Variants in ZNF568 observed in about 807,000 individuals in gnomAD.
ZNF568 encodes zinc finger protein 568, also known as p53 inhibitor of SCO2 activation.
Under a neutral mutation model 18.1 loss-of-function variants are expected in ZNF568, and 11 were observed. That is an observed-to-expected ratio of 0.61 (90% CI 0.38 to 1.00). The LOEUF is 1.00. ZNF568 is among the 50% of genes least tolerant of loss of function. The pLI is 0.01. For synonymous variants in ZNF568, 213 were observed against 246.6 expected (o/e 0.86, Z 1.28); for missense variants, 639 against 768.2 (o/e 0.83, Z 1.99).
chr19:36,973,934 C>A (rs148679636), intron 6 of ZNF568, among the ~76,000 whole-genome samples: 1 of 152,184 alleles, frequency 6.6e-6, no homozygotes, highest in Non-Finnish European at 1.5e-5. Context: ...CTGTGAATGG[C>A]CTTCCCTCCA....
At position 36,950,618 on chromosome 19, in the gene ZNF568, C is replaced by T. The variant is rs757767230; in HGVS notation, c.1465C>T (p.Leu489Phe). ...CGKAFIQMSN[L>F]IRHQRIHTGE... ...GAAAGCTTTTATTCAGATGTCAAAC[C>T]TCATTCGACACCAGAGAATTCATAC... Residue 489 changes from leucine to phenylalanine, a missense_variant, in exon 7 of 7, where the codon CTC (leucine) becomes TTC (phenylalanine). Coordinates refer to ENST00000333987, the MANE Select transcript of ZNF568 (RefSeq NM_198539.4). 2.5e-6 allele frequency: 4 copies of T among 1,613,918 alleles called. No individual in the cohort carries two copies. The highest frequency in any genetic ancestry group is 2.5e-6 in the Non-Finnish European group (3 of 1,179,900).
chr19:36,941,866 T>C (rs1477533933), intron 6 of ZNF568, among the ~76,000 whole-genome samples: 1 of 152,180 alleles, frequency 6.6e-6, no homozygotes, highest in Non-Finnish European at 1.5e-5. Context: ...ATTATAGCAG[T>C]GCTGTGCTCT....
At chr19:36,939,532 CTTTTTTTTTTTTT>C (rs386388962) in intron 6 of ZNF568, among the ~76,000 whole-genome samples, 3 of 93,068 alleles carry the variant, frequency 3.2e-5, no homozygotes, top group Non-Finnish European at 5.9e-5. Flanking sequence ...TATTTTCTTT[CTTTTTTTTTTTTT>C]TTTTTTTTTT....
downstream of ZNF568, among the ~76,000 whole-genome samples, chr19:36,954,695 A>G (rs1401608274): frequency 2.6e-5 from 4 of 151,424 alleles, no homozygotes; most frequent in Non-Finnish European, 5.9e-5. Flanking sequence ...TAGCCTCCCA[A>G]GCAGCTGGGA....
At chr19:36,976,981 G>T (rs965268460) in intron 7 of ZNF568, among the ~76,000 whole-genome samples, 1 of 152,206 alleles carries the variant, frequency 6.6e-6, no homozygotes, top group Non-Finnish European at 1.5e-5. Context: ...ACTTGTCAAA[G>T]AATGCTATTT....
chr19:36,963,727 G>C (rs1699057336), intron 6 of ZNF568, among the ~76,000 whole-genome samples: 1 of 152,078 alleles, frequency 6.6e-6, no homozygotes. Flanking sequence ...CCAGCACTTT[G>C]GGAGGCTGAG....
chr19:36,960,210 C>T (rs10412863), intron 6 of ZNF568, among the ~76,000 whole-genome samples: 25,042 of 148,102 alleles, frequency 0.17, 2,107 homozygotes, highest in Middle Eastern at 0.21. Flanking sequence ...CTCTGCCTCC[C>T]GGGTTCAAGT....
At position 36,994,908 on chromosome 19, in the gene ZNF568, C is replaced by T. The variant is rs979215041; in HGVS notation, c.230-1409C>T. On this transcript the variant is annotated intron_variant, in intron 4 of 4. Coordinates refer to the ZNF568 transcript ENST00000433993. ...CTCGAGATCTGCCGGCCTCAGCCTCCCAAAGTTCTGGGATTACAAGCGTGA... is the reference window on the plus strand; with the variant it reads ...CTCGAGATCTGCCGGCCTCAGCCTCTCAAAGTTCTGGGATTACAAGCGTGA... 2.6e-5 allele frequency among the ~76,000 whole-genome samples: 4 copies of T among 152,030 alleles called. No individual in the cohort carries two copies. The South Asian group carries it at 8.3e-4, about 32-fold the overall frequency.
Position 36,951,195 on chromosome 19 carries a change from G to C in ZNF568, c.*107G>C. 1 of 1,100,202 alleles carries C rather than the reference G, an allele frequency of 9.1e-7. No homozygotes were observed. Among genetic ancestry groups the C allele is most frequent in the Admixed American group, 3.1e-5 (1 of 32,522 alleles). 68.2% of individuals were successfully genotyped at this position (1,100,202 alleles called of 1,614,324 possible). A position where few individuals can be genotyped will look rare whatever the true frequency, so the allele number is the denominator to read the frequency against. ...GAAAAATTTTAATACTTTGTTAAAA[G>C]GTGTAAGACTGGAATAAATGGAAAG... On this transcript the variant is annotated 3_prime_UTR_variant, in exon 7 of 7. Coordinates refer to ENST00000333987, the MANE Select transcript of ZNF568 (RefSeq NM_198539.4).
intron 6 of ZNF568, among the ~76,000 whole-genome samples, chr19:36,960,365 G>T (rs1200594949): frequency 6.6e-6 from 1 of 151,804 alleles, no homozygotes; most frequent in Non-Finnish European, 1.5e-5. Flanking sequence ...TGATCCACCC[G>T]CCTCGGCCTC....
At chr19:36,930,771 T>C (rs920266064) in intron 4 of ZNF568, among the ~76,000 whole-genome samples, 1 of 152,172 alleles carries the variant, frequency 6.6e-6, no homozygotes, top group Non-Finnish European at 1.5e-5. Flanking sequence ...AATTCCACTT[T>C]ATAGATGAGG....
chr19:36,924,252 T>A (rs1325532708), intron 3 of ZNF568, among the ~76,000 whole-genome samples: 2 of 151,968 alleles, frequency 1.3e-5, no homozygotes, highest in Non-Finnish European at 2.9e-5. Context: ...AGAGTCTCGC[T>A]CTGTCGCCCA....
chr19:36,925,367 T>G, intron 4 of ZNF568, 109 bp downstream of exon 4: 1 of 998,180 alleles, frequency 1.0e-6, no homozygotes. Context: ...AAAATAAAAG[T>G]GAGAAAAAAT....
intron 2 of ZNF568, among the ~76,000 whole-genome samples, chr19:36,987,087 A>C (rs2074382264): frequency 6.6e-6 from 1 of 152,210 alleles, no homozygotes; most frequent in African/African-American, 2.4e-5. Flanking sequence ...CATGAGGATT[A>C]ATATATGTAA....
intron 6 of ZNF568, among the ~76,000 whole-genome samples, chr19:36,948,240 A>C (rs1355617494): frequency 1.3e-5 from 2 of 152,146 alleles, no homozygotes; most frequent in African/African-American, 4.8e-5. Context: ...GGCCTTTTCC[A>C]ATGGGTTTCT....
intron 6 of ZNF568, among the ~76,000 whole-genome samples, chr19:36,967,324 G>T (rs2074201731): frequency 6.6e-6 from 1 of 152,160 alleles, no homozygotes; most frequent in Non-Finnish European, 1.5e-5. Flanking sequence ...AACACTTTGG[G>T]AAGCTGAGGT....
chr19:36,951,195 G>T lies in ZNF568; in HGVS notation c.*107G>T. ...GAAAAATTTTAATACTTTGTTAAAAGGTGTAAGACTGGAATAAATGGAAAG... is the reference window on the plus strand; with the variant it reads ...GAAAAATTTTAATACTTTGTTAAAATGTGTAAGACTGGAATAAATGGAAAG... On this transcript the variant is annotated 3_prime_UTR_variant, in exon 7 of 7. Transcript: ENST00000333987. 9.1e-7 allele frequency: 1 copy of T among 1,100,202 alleles called. No individual in the cohort carries two copies. Among genetic ancestry groups the T allele is most frequent in the Non-Finnish European group, 1.2e-6 (1 of 814,412 alleles). The allele number at this position is 1,100,202 out of a possible 1,614,324, so 68.2% of individuals were successfully genotyped here. A position where few individuals can be genotyped will look rare whatever the true frequency, so the allele number is the denominator to read the frequency against.
At chr19:36,921,317 C>T (rs1243373109) in intron 2 of ZNF568, among the ~76,000 whole-genome samples, 6 of 152,108 alleles carry the variant, frequency 3.9e-5, no homozygotes, top group South Asian at 4.2e-4. Flanking sequence ...CAAAATTAGC[C>T]GGGCGTGGTG....
chr19:36,989,049 G>A (rs1452769439), intron 2 of ZNF568, among the ~76,000 whole-genome samples: 1 of 152,084 alleles, frequency 6.6e-6, no homozygotes, highest in African/African-American at 2.4e-5. Context: ...GCTTCTGAAC[G>A]CCTTCTTTTT....
Sources: allele counts gnomAD v4.1 joint callset (sites outside exome capture counted in the v4.1 genomes callset), GRCh38; gene constraint gnomAD v4.1.1; transcripts MANE v1.5; gene names NCBI Gene and HGNC (gene_info 2026-07-23, HGNC 2026-07-21).